Variants in PEAK1 observed in about 807,000 individuals in gnomAD.
PEAK1 encodes the protein inactive tyrosine-protein kinase PEAK1.
In PEAK1, 54 loss-of-function variants were observed where a neutral mutation model predicts 124.7. The observed-to-expected ratio is 0.43, with a 90% confidence interval of 0.35 to 0.54. The LOEUF is 0.54. Among genes scored for constraint, PEAK1 ranks in the 20% least tolerant of loss-of-function variants. The pLI is 0.01. For synonymous variants in PEAK1, 719 were observed against 760.0 expected, an observed-to-expected ratio of 0.95 and a Z score of 0.89; for missense variants, 2,046 against 2,134.5, an observed-to-expected ratio of 0.96 and a Z score of 0.82.
intron 7 of PEAK1, among the ~76,000 whole-genome samples, chr15:77,166,084 C>T (rs1196690432): frequency 6.6e-6 from 1 of 152,142 alleles, no homozygotes; most frequent in Non-Finnish European, 1.5e-5. Flanking sequence ...TTAATGATTA[C>T]AGATGTATTT....
intron 5 of PEAK1, among the ~76,000 whole-genome samples, chr15:77,257,531 A>G (rs904849153): frequency 1.9e-4 from 28 of 151,236 alleles, no homozygotes; most frequent in African/African-American, 6.6e-4. Flanking sequence ...TCTTCTTTTG[A>G]GAAGTGTCTG....
At chr15:77,349,175 G>C (rs1250878537) in intron 2 of PEAK1, 1 of 392,028 alleles carries the variant, frequency 2.6e-6, no homozygotes, top group African/African-American at 2.2e-5. Flanking sequence ...GAGTAGCTGG[G>C]ACTACAGGCA....
At chr15:77,167,890 C>T (rs546381258) in intron 7 of PEAK1, among the ~76,000 whole-genome samples, 9 of 152,166 alleles carry the variant, frequency 5.9e-5, no homozygotes, top group Non-Finnish European at 8.8e-5. Flanking sequence ...CTCCCCCATG[C>T]CCCCACCCCA....
intron 6 of PEAK1, among the ~76,000 whole-genome samples, chr15:77,227,667 A>G (rs1029614365): frequency 5.9e-5 from 9 of 152,140 alleles, no homozygotes; most frequent in Non-Finnish European, 1.0e-4. Flanking sequence ...AAAAAGTCCT[A>G]TGATTTAATA....
At chr15:77,279,304 T>G (rs2062534108) in intron 5 of PEAK1, among the ~76,000 whole-genome samples, 1 of 152,130 alleles carries the variant, frequency 6.6e-6, no homozygotes, top group Non-Finnish European at 1.5e-5. Flanking sequence ...ATTCCCTGAC[T>G]TAGATACACA....
intron 2 of PEAK1, chr15:77,333,925 A>T: frequency 2.5e-6 from 1 of 401,862 alleles, no homozygotes; most frequent in African/African-American, 2.2e-5. Context: ...AAATTTCCCT[A>T]TTTCATCCCA....
intron 6 of PEAK1, among the ~76,000 whole-genome samples, chr15:77,221,629 T>C (rs972884584): frequency 1.3e-5 from 2 of 152,064 alleles, no homozygotes; most frequent in Non-Finnish European, 2.9e-5. Context: ...AAAAAATCTC[T>C]TTTATGAAGC....
chr15:77,231,368 C>T (rs1411920923), intron 6 of PEAK1, among the ~76,000 whole-genome samples: 4 of 152,178 alleles, frequency 2.6e-5, no homozygotes, highest in Non-Finnish European at 5.9e-5. Flanking sequence ...ACTGGTTTAA[C>T]CTACTCTGTC....
At chr15:77,419,835 C>A (rs1404372306) in intron 1 of PEAK1, among the ~76,000 whole-genome samples, 171 bp downstream of exon 1, 7 of 148,724 alleles carry the variant, frequency 4.7e-5, no homozygotes, top group Admixed American at 4.0e-4. Context: ...GCACCGGCCG[C>A]CAGAGCCCCG....
chr15:77,393,107 C>A (rs1249778384), intron 1 of PEAK1, among the ~76,000 whole-genome samples: 2 of 152,324 alleles, frequency 1.3e-5, no homozygotes, highest in East Asian at 3.9e-4. Flanking sequence ...ATTGCCCATC[C>A]CAGCAGCTGG....
At chr15:77,127,453 C>A (rs1027292707) in intron 9 of PEAK1, among the ~76,000 whole-genome samples, 1 of 152,002 alleles carries the variant, frequency 6.6e-6, no homozygotes, top group African/African-American at 2.4e-5. Context: ...GAGGAAAAGC[C>A]CAGATAACCA....
chr15:77,333,329 A>G, intron 2 of PEAK1: 1 of 982,364 alleles, frequency 1.0e-6, no homozygotes, highest in Non-Finnish European at 1.2e-6. Context: ...TTGCATTTAG[A>G]AGAGCACTTC....
chr15:77,134,958 A>C (rs1041212449), intron 8 of PEAK1, among the ~76,000 whole-genome samples: 24 of 152,188 alleles, frequency 1.6e-4, no homozygotes, highest in African/African-American at 5.6e-4. Flanking sequence ...GAGAGGGAAA[A>C]CACTACATGA....
chr15:77,358,499 C>CT (rs1052179918), intron 2 of PEAK1, among the ~76,000 whole-genome samples: 93 of 152,316 alleles, frequency 6.1e-4, no homozygotes, highest in Middle Eastern at 3.4e-3. Flanking sequence ...TTTGAACTTT[C>CT]TCTGTAGCAT....
In PEAK1 at chr15:77,286,451, T is replaced by C. The variant is rs2062935913; in HGVS notation, c.-549A>G. 4.9e-6 allele frequency: 6 copies of C among 1,229,302 alleles called. No homozygotes were observed. Among genetic ancestry groups the C allele is most frequent in the African/African-American group, 3.1e-5 (2 of 64,460 alleles). The allele number at this position is 1,229,302 out of a possible 1,614,324, so 76.1% of individuals were successfully genotyped here. On this transcript the variant is annotated 5_prime_UTR_variant, in exon 3 of 10. It removes an upstream start codon present in the reference 5' UTR. Transcript: ENST00000682557. Reference sequence around the variant, plus strand: ...GTTTAATTGGCTCCAACTCTGGGCATTATGTTGTTGCTTCCTTTTCTTTCC... The same window carrying C: ...GTTTAATTGGCTCCAACTCTGGGCACTATGTTGTTGCTTCCTTTTCTTTCC...
chr15:77,180,689 T>C lies in PEAK1; in HGVS notation c.1238A>G (p.His413Arg), dbSNP rs757088621. ...SKSSIKVPET[H>R]KAVLALRLEE... ...TAATCGGAGAGCAAGGACTGCTTTG[T>C]GGGTCTCTGGAACTTTTATTGAGCT... The change falls in exon 7 of 10, where the codon CAC (histidine) becomes CGC (arginine). Residue 413 changes from histidine (H) to arginine (R), a missense_variant. Coordinates refer to ENST00000682557, the MANE Select transcript of PEAK1 (RefSeq NM_001385026.1). 1.5e-5 allele frequency: 25 copies of C among 1,613,984 alleles called. No individual in the cohort carries two copies. Among genetic ancestry groups the C allele is most frequent in the Non-Finnish European group, 1.8e-5 (21 of 1,180,018 alleles).
chr15:77,337,714 T>G, intron 2 of PEAK1: 1 of 985,308 alleles, frequency 1.0e-6, no homozygotes, highest in Non-Finnish European at 1.2e-6. Flanking sequence ...CCTTTATTAT[T>G]ATAGCACAGT....
intron 7 of PEAK1, among the ~76,000 whole-genome samples, chr15:77,166,088 T>C (rs1348650742): frequency 1.3e-5 from 2 of 152,232 alleles, no homozygotes; most frequent in East Asian, 1.9e-4. Context: ...TGATTACAGA[T>C]GTATTTTACT....
chr15:77,303,039 C>T (rs78982448), intron 2 of PEAK1, among the ~76,000 whole-genome samples: 1,563 of 152,260 alleles, frequency 0.01, 15 homozygotes, highest in Middle Eastern at 0.024. Context: ...TCAGGCTGAT[C>T]TCTCTAACTT....
Sources: gnomAD v4.1 joint callset for allele counts (sites outside exome capture counted in the v4.1 genomes callset) on GRCh38, gnomAD v4.1.1 for gene constraint, MANE v1.5 for transcripts, NCBI Gene and HGNC (gene_info 2026-07-23, HGNC 2026-07-21) for gene names.